The following FMNL2 variants were observed in gnomAD, a reference collection of about 807,000 sequenced individuals.
FMNL2 encodes the protein formin-like protein 2.
FMNL2 carries 51 observed loss-of-function variants against 130.2 expected under a neutral mutation model. The ratio of observed to expected loss-of-function variants is 0.39; its 90% confidence interval spans 0.31 to 0.49. FMNL2 has a LOEUF of 0.49. FMNL2 is among the 20% of genes least tolerant of loss of function. FMNL2 has a pLI of 0.85. For synonymous variants in FMNL2, 465 were observed against 467.1 expected (o/e 1.00, Z 0.06); for missense variants, 977 against 1,316.2 (o/e 0.74, Z 3.99).
chr2:152,359,494 T>TTTTTTTTTTTC (rs1553866944), intron 1 of FMNL2, among the ~76,000 whole-genome samples: 1 of 147,878 alleles, frequency 6.8e-6, no homozygotes, highest in African/African-American at 2.5e-5. Context: ...TTTTTTTTTT[T>TTTTTTTTTTTC]CACATAACAG....
At chr2:152,380,747 T>G (rs1286618474) in intron 1 of FMNL2, among the ~76,000 whole-genome samples, 1 of 152,194 alleles carries the variant, frequency 6.6e-6, no homozygotes, top group Non-Finnish European at 1.5e-5. Context: ...ACACCCAGTA[T>G]AGTTGGTTTG....
chr2:152,440,085 TA>T (rs1383784664), intron 1 of FMNL2, among the ~76,000 whole-genome samples: 1 of 152,006 alleles, frequency 6.6e-6, no homozygotes, highest in African/African-American at 2.4e-5. Context: ...CTGCCTTAAC[TA>T]AATGGAAGAA....
At chr2:152,640,087 C>T (rs368614601) in intron 24 of FMNL2, 31 bp downstream of exon 24, 79 of 1,516,480 alleles carry the variant, frequency 5.2e-5, no homozygotes, top group South Asian at 5.0e-4. Flanking sequence ...GAGACAGGTC[C>T]GTGAGGAGAG....
chr2:152,479,877 A>AT (rs2105226672), intron 1 of FMNL2, among the ~76,000 whole-genome samples: 1 of 151,580 alleles, frequency 6.6e-6, no homozygotes, highest in East Asian at 1.9e-4. Context: ...CACCTGGTTA[A>AT]TTTTTTGTCT....
chr2:152,637,804 T>C (rs761868822), intron 23 of FMNL2, 130 bp downstream of exon 23: 481 of 719,520 alleles, frequency 6.7e-4, no homozygotes, highest in Non-Finnish European at 1.0e-3. Context: ...ATTCACGAGA[T>C]AGCAGTCCCT....
chr2:152,597,965 G>A (rs1021350421), intron 9 of FMNL2, among the ~76,000 whole-genome samples: 10 of 152,222 alleles, frequency 6.6e-5, no homozygotes, highest in Admixed American at 6.5e-4. Context: ...TAGACAAACT[G>A]CAGGCATTTG....
At chr2:152,555,991 C>G (rs1458434064) in intron 4 of FMNL2, among the ~76,000 whole-genome samples, 2 of 152,192 alleles carry the variant, frequency 1.3e-5, no homozygotes, top group African/African-American at 4.8e-5. Flanking sequence ...ATTCCAGTTA[C>G]TGCTTTGAAA....
intron 6 of FMNL2, among the ~76,000 whole-genome samples, chr2:152,566,129 A>G (rs1695822936): frequency 6.6e-6 from 1 of 152,192 alleles, no homozygotes; most frequent in Non-Finnish European, 1.5e-5. Flanking sequence ...CCTTATCTGA[A>G]TATTTACCAC....
At chr2:152,384,804 C>T (rs1433777985) in intron 1 of FMNL2, among the ~76,000 whole-genome samples, 1 of 152,118 alleles carries the variant, frequency 6.6e-6, no homozygotes, top group Non-Finnish European at 1.5e-5. Context: ...AGCCTGCACA[C>T]GTTTCTAAAA....
chr2:152,343,685 C>T (rs1409219207), intron 1 of FMNL2, among the ~76,000 whole-genome samples: 1 of 152,202 alleles, frequency 6.6e-6, no homozygotes, highest in African/African-American at 2.4e-5. Flanking sequence ...TCACTAGTCT[C>T]AAGACCTGTC....
intron 10 of FMNL2, among the ~76,000 whole-genome samples, chr2:152,609,789 G>T (rs1698581916): frequency 6.6e-6 from 1 of 152,118 alleles, no homozygotes; most frequent in Non-Finnish European, 1.5e-5. Context: ...AGGAAATTAG[G>T]TTTGGAGAGA....
chr2:152,436,282 G>T (rs900155151), intron 1 of FMNL2, among the ~76,000 whole-genome samples: 1 of 151,910 alleles, frequency 6.6e-6, no homozygotes, highest in Non-Finnish European at 1.5e-5. Flanking sequence ...CTGACTAGCT[G>T]GGACTACTGG....
At chr2:152,610,987 G>A (rs377067118) in intron 10 of FMNL2, among the ~76,000 whole-genome samples, 3 of 152,320 alleles carry the variant, frequency 2.0e-5, no homozygotes, top group East Asian at 1.9e-4. Context: ...CTGAGTGGGT[G>A]CGAAGTGGTG....
intron 1 of FMNL2, among the ~76,000 whole-genome samples, chr2:152,430,465 T>C (rs973550109): frequency 6.6e-6 from 1 of 152,256 alleles, no homozygotes; most frequent in Non-Finnish European, 1.5e-5. Context: ...GCCTTCTGCA[T>C]GCCTTAGAGC....
chr2:152,464,906 T>C (rs971362352), intron 1 of FMNL2, among the ~76,000 whole-genome samples: 1 of 152,156 alleles, frequency 6.6e-6, no homozygotes, highest in African/African-American at 2.4e-5. Flanking sequence ...TCAGGAATCT[T>C]ATTGAGAAGG....
chr2:152,512,677 A>T (rs563906045), intron 1 of FMNL2, among the ~76,000 whole-genome samples: 12 of 152,224 alleles, frequency 7.9e-5, no homozygotes, highest in Non-Finnish European at 1.8e-4. Flanking sequence ...GATAATTCAC[A>T]TGAGATTTAG....
intron 15 of FMNL2, 32 bp downstream of exon 15, chr2:152,619,750 A>G (rs1699152947): frequency 6.3e-7 from 1 of 1,591,212 alleles, no homozygotes; most frequent in Non-Finnish European, 8.6e-7. Context: ...CCAGGTACTC[A>G]TATCAGAAAT....
At chr2:152,561,187 C>G (rs530673566) in intron 6 of FMNL2, among the ~76,000 whole-genome samples, 152 bp downstream of exon 6, 1 of 152,210 alleles carries the variant, frequency 6.6e-6, no homozygotes, top group Admixed American at 6.5e-5. Context: ...TTTAGGAGTT[C>G]ATGGGATCTT....
chr2:152,366,859 A>C (rs1683585434), intron 1 of FMNL2, among the ~76,000 whole-genome samples: 1 of 152,034 alleles, frequency 6.6e-6, no homozygotes, highest in Non-Finnish European at 1.5e-5. Context: ...TCAGCTACTC[A>C]GGGTAGGGGG....
Sources: gnomAD v4.1 joint callset for allele counts (sites outside exome capture counted in the v4.1 genomes callset) on GRCh38, gnomAD v4.1.1 for gene constraint, MANE v1.5 for transcripts, NCBI Gene and HGNC (gene_info 2026-07-23, HGNC 2026-07-21) for gene names.